PLCH1: variants seen among roughly 807,000 people sequenced by gnomAD.
The protein encoded by PLCH1 is phospholipase C eta 1.
PLCH1 carries 60 observed loss-of-function variants against 126.7 expected under a neutral mutation model. That is an observed-to-expected ratio of 0.47 (90% confidence interval 0.38 to 0.59). The LOEUF (loss-of-function observed/expected upper bound fraction) is 0.59. Among genes scored for constraint, PLCH1 ranks in the 20% least tolerant of loss-of-function variants. The probability of loss-of-function intolerance (pLI) is 0.00; values close to 1 mark genes in which losing one functional copy is unlikely to be tolerated. For missense variants in PLCH1, 1,723 were observed against 2,040.0 expected (o/e 0.84, Z 2.99); for synonymous variants, 719 against 734.9 (o/e 0.98, Z 0.35).
At chr3:155,711,765 G>A (rs983297954) in intron 1 of PLCH1, among the ~76,000 whole-genome samples, 4 of 152,228 alleles carry the variant, frequency 2.6e-5, no homozygotes, top group Admixed American at 6.5e-5. Flanking sequence ...AGATCCACAC[G>A]GCCTGTTTCA....
chr3:155,702,127 C>A (rs1363136901), intron 2 of PLCH1, among the ~76,000 whole-genome samples: 1 of 152,070 alleles, frequency 6.6e-6, no homozygotes, highest in Non-Finnish European at 1.5e-5. Context: ...GGAGCTCAGA[C>A]AATACAGTAA....
intron 10 of PLCH1, among the ~76,000 whole-genome samples, chr3:155,547,554 G>A (rs1224428568): frequency 2.6e-5 from 4 of 151,900 alleles, no homozygotes; most frequent in African/African-American, 9.7e-5. Flanking sequence ...ATACCCAAAC[G>A]ACTATAAATC....
intron 2 of PLCH1, among the ~76,000 whole-genome samples, chr3:155,618,634 C>A (rs1450451897): frequency 6.6e-6 from 1 of 152,126 alleles, no homozygotes; most frequent in Non-Finnish European, 1.5e-5. Flanking sequence ...TACTTAAATT[C>A]CCAATGGTAT....
At chr3:155,738,236 G>C (rs1262252046) in intron 1 of PLCH1, among the ~76,000 whole-genome samples, 2 of 152,164 alleles carry the variant, frequency 1.3e-5, no homozygotes, top group Non-Finnish European at 2.9e-5. Context: ...ACAGAGTCCA[G>C]CACCCACTTT....
At chr3:155,711,005 A>C (rs1747089424) in intron 1 of PLCH1, among the ~76,000 whole-genome samples, 1 of 145,272 alleles carries the variant, frequency 6.9e-6, no homozygotes, top group Non-Finnish European at 1.5e-5. Context: ...ATTAGATATT[A>C]TAAGTCTACT....
At chr3:155,703,628 G>A (rs1211932587) in intron 2 of PLCH1, among the ~76,000 whole-genome samples, 1 of 152,168 alleles carries the variant, frequency 6.6e-6, no homozygotes, top group Non-Finnish European at 1.5e-5. Context: ...CTGTTCTGTT[G>A]TTATATGGGA....
chr3:155,556,259 A>G (rs1310618103), intron 8 of PLCH1, among the ~76,000 whole-genome samples: 1 of 152,198 alleles, frequency 6.6e-6, no homozygotes, highest in Non-Finnish European at 1.5e-5. Flanking sequence ...AGGCTGAGGC[A>G]GGAGAATCGC....
chr3:155,491,245 G>A (rs946413825), intron 18 of PLCH1, among the ~76,000 whole-genome samples: 2 of 152,056 alleles, frequency 1.3e-5, no homozygotes, highest in Non-Finnish European at 2.9e-5. Flanking sequence ...GATAATTGTG[G>A]AATATACGTT....
At chr3:155,458,428 AGG>A (rs1409851745) in intron 21 of PLCH1, among the ~76,000 whole-genome samples, 18 of 85,598 alleles carry the variant, frequency 2.1e-4, no homozygotes, top group East Asian at 9.4e-4. Context: ...GAAGGAAGGA[AGG>A]AAGGAAGGAA....
intron 10 of PLCH1, 141 bp downstream of exon 10, chr3:155,549,646 A>G: frequency 1.7e-6 from 1 of 601,630 alleles, no homozygotes. Context: ...AAATTGGAAT[A>G]AGGCGCATAC....
chr3:155,523,346 AACT>A (rs1206175292), intron 11 of PLCH1, among the ~76,000 whole-genome samples: 4 of 151,968 alleles, frequency 2.6e-5, no homozygotes, highest in African/African-American at 9.7e-5. Context: ...GTGAGTAACA[AACT>A]ATTCCATGCC....
At chr3:155,517,840 G>C (rs912387127) in intron 11 of PLCH1, among the ~76,000 whole-genome samples, 1 of 152,136 alleles carries the variant, frequency 6.6e-6, no homozygotes, top group East Asian at 1.9e-4. Context: ...GCATTTCAAT[G>C]TGAGGAAAAG....
Position 155,561,194 on chromosome 3 carries a change from C to A in PLCH1, c.1069+3721G>T, listed in dbSNP as rs557437102. ...ATGTGCACATTGTGCAGGTTAGTTA[C>A]ATATGTATACATGTGCCATGCTGGT... is the stretch of plus-strand genomic sequence containing the variant. On this transcript the variant is annotated intron_variant, in intron 8 of 22. Transcript: ENST00000460012. 2.1e-4 allele frequency among the ~76,000 whole-genome samples: 32 copies of A among 151,664 alleles called. 1 individual carries two copies. In the South Asian group the frequency reaches 6.5e-3, roughly 31 times the overall value.
intron 10 of PLCH1, among the ~76,000 whole-genome samples, chr3:155,532,393 G>A (rs984194930): frequency 5.9e-5 from 9 of 152,216 alleles, no homozygotes; most frequent in South Asian, 4.1e-4. Flanking sequence ...ATCCACCCTC[G>A]AAAACACATC....
At chr3:155,567,787 T>C (rs1235110581) in intron 7 of PLCH1, among the ~76,000 whole-genome samples, 1 of 152,142 alleles carries the variant, frequency 6.6e-6, no homozygotes, top group Non-Finnish European at 1.5e-5. Context: ...TAATGAGATT[T>C]GTGGTTCCAA....
chr3:155,696,959 T>C lies in PLCH1; in HGVS notation c.79+7187A>G, dbSNP rs1446637626. ...TTCAAAGAATGAACACTGTCACTTC[T>C]CATCCACCTGGGCTTCCCATACATC... On this transcript the variant is annotated intron_variant, in intron 2 of 22. Transcript: ENST00000460012. 3.9e-5 allele frequency among the ~76,000 whole-genome samples: 6 copies of C among 152,240 alleles called. No individual in the cohort carries two copies. The East Asian group carries it at 1.2e-3, about 29-fold the overall frequency.
In PLCH1 at chr3:155,481,867, CCT is replaced by C; in HGVS notation, c.4157_4158del (p.Gln1386ArgfsTer16). On this transcript the variant is annotated frameshift_variant, in exon 23 of 23. Coordinates refer to ENST00000460012, the MANE Select transcript of PLCH1 (RefSeq NM_014996.4). LOFTEE classifies it low-confidence loss of function (END_TRUNC). This position sits in a 1 kb window ranked among gnomAD's most constrained non-coding sequence, Gnocchi z 4.2. ...LASPLKLKYN[Q>X]GVVEHFQRGL... ...CCTCTTTGAAAGTGTTCTACCACAC[CCT>C]GATTGTACTTGAGTTTTAAAGGAGA... 1 of 1,614,092 alleles carries C rather than the reference CCT, an allele frequency of 6.2e-7. No individual in the cohort carries two copies. The highest frequency in any genetic ancestry group is 8.5e-7 in the Non-Finnish European group (1 of 1,180,006).
rs766409371 is a variant in PLCH1 at position 155,494,174 on chromosome 3, C to T, written c.2149G>A (p.Gly717Ser). ...RAKFKANGNC[G>S]YVLKPQQMCK... Reference sequence around the variant, plus strand: ...ATTTGCTGGGGTTTGAGGACATAGCCACAATTGCCATTTGCCTTGAATTTG... The same window carrying T: ...ATTTGCTGGGGTTTGAGGACATAGCTACAATTGCCATTTGCCTTGAATTTG... Residue 717 changes from glycine (G) to serine (S), a missense_variant, in exon 17 of 23, where the codon GGC becomes AGC. Around this residue, in one of 2 missense-constraint regions of PLCH1, gnomAD observed 776 missense variants for 1,062.9 expected, o/e 0.73. Coordinates refer to ENST00000460012, the MANE Select transcript of PLCH1 (RefSeq NM_014996.4). 6.2e-7 allele frequency: 1 copy of T among 1,614,082 alleles called. No individual in the cohort carries two copies. Among genetic ancestry groups the T allele is most frequent in the Non-Finnish European group, 8.5e-7 (1 of 1,179,956 alleles).
At chr3:155,692,082 G>C (rs1050740996) in intron 2 of PLCH1, among the ~76,000 whole-genome samples, 2 of 151,810 alleles carry the variant, frequency 1.3e-5, no homozygotes, top group African/African-American at 4.8e-5. Flanking sequence ...ATGATATCAT[G>C]TATCAATATA....
Sources: allele counts gnomAD v4.1 joint callset (sites outside exome capture counted in the v4.1 genomes callset), GRCh38; gene constraint gnomAD v4.1.1; regional missense constraint gnomAD v4.1.1; non-coding constraint Gnocchi (gnomAD v3.1); transcripts MANE v1.5; gene names NCBI Gene and HGNC (gene_info 2026-07-23, HGNC 2026-07-21).